The following AP3B1 variants were observed in gnomAD, a reference collection of about 807,000 sequenced individuals.
The protein encoded by AP3B1 is adaptor related protein complex 3 subunit beta 1, also known as AP-3 complex subunit beta-1.
A neutral mutation model predicts 132.5 loss-of-function variants in AP3B1; 61 were observed. The observed-to-expected ratio is 0.46, with a 90% CI of 0.37 to 0.57. The LOEUF (loss-of-function observed/expected upper bound fraction) is 0.57. Among genes scored for constraint, AP3B1 ranks in the 20% least tolerant of loss-of-function variants. AP3B1 has a pLI of 0.00. For missense variants in AP3B1, 1,120 were observed against 1,289.4 expected (o/e 0.87, Z 2.01); for synonymous variants, 388 against 438.3 (o/e 0.89, Z 1.43).
intron 22 of AP3B1, among the ~76,000 whole-genome samples, chr5:78,077,620 T>G (rs1448462568): frequency 6.6e-6 from 1 of 152,186 alleles, no homozygotes; most frequent in Admixed American, 6.5e-5. Context: ...GAAATACTGT[T>G]TCAGCAATAC....
intron 21 of AP3B1, among the ~76,000 whole-genome samples, chr5:78,094,918 T>C (rs1750708608): frequency 6.6e-6 from 1 of 152,120 alleles, no homozygotes; most frequent in South Asian, 2.1e-4. Context: ...TGGCCTCAGG[T>C]GATCTGCCCG....
intron 12 of AP3B1, among the ~76,000 whole-genome samples, chr5:78,164,602 G>A (rs1297587684): frequency 2.0e-5 from 3 of 152,216 alleles, no homozygotes; most frequent in Non-Finnish European, 2.9e-5. Context: ...GCAATGATCT[G>A]CAGCTATAAG....
At position 78,123,753 on chromosome 5, in the gene AP3B1, C is replaced by G. The variant is rs563767187; in HGVS notation, c.1968+4277G>C. Among the ~76,000 whole-genome samples the G allele has an allele frequency of 3.1e-3, 464 of 151,650 alleles. 2 individuals carry two copies. The highest frequency in any genetic ancestry group is 0.011 in the African/African-American group (443 of 41,394). On this transcript the variant is annotated intron_variant, in intron 17 of 26. Transcript: ENST00000255194. Reference sequence around the variant, plus strand: ...GAACACTTTTACACTGTTGGTGGGACTGTAAACTAGTTCAACCATTGTGGA... The same window carrying G: ...GAACACTTTTACACTGTTGGTGGGAGTGTAAACTAGTTCAACCATTGTGGA...
chr5:78,070,136 G>A (rs186803723), intron 22 of AP3B1, among the ~76,000 whole-genome samples: 52 of 152,186 alleles, frequency 3.4e-4, no homozygotes, highest in African/African-American at 1.2e-3. Context: ...ATTGGGCACC[G>A]TGGCTCACAC....
intron 17 of AP3B1, among the ~76,000 whole-genome samples, chr5:78,122,382 A>C (rs545795699): frequency 2.0e-5 from 3 of 152,344 alleles, no homozygotes; most frequent in African/African-American, 7.2e-5. Context: ...AAGGGCATTC[A>C]ATTAGGAAAA....
At chr5:78,223,275 T>C (rs1746265887) in intron 6 of AP3B1, among the ~76,000 whole-genome samples, 1 of 152,072 alleles carries the variant, frequency 6.6e-6, no homozygotes. Flanking sequence ...CTTTGTTTTT[T>C]ACTATAGACA....
intron 22 of AP3B1, among the ~76,000 whole-genome samples, chr5:78,069,243 TG>T (rs1749428070): frequency 6.6e-6 from 1 of 152,330 alleles, no homozygotes; most frequent in East Asian, 1.9e-4. Flanking sequence ...AACATAGTAT[TG>T]GAAGTTCTGG....
chr5:78,040,265 T>C (rs901432254), intron 22 of AP3B1, among the ~76,000 whole-genome samples: 8 of 152,192 alleles, frequency 5.3e-5, no homozygotes, highest in African/African-American at 1.9e-4. Flanking sequence ...TTTCTCCAGA[T>C]ACTGAACTAA....
chr5:78,218,956 T>C (rs961657216), intron 6 of AP3B1, among the ~76,000 whole-genome samples: 6 of 152,158 alleles, frequency 3.9e-5, no homozygotes, highest in Non-Finnish European at 7.4e-5. Flanking sequence ...AGCTGGATAA[T>C]AGATCTATCA....
At chr5:78,168,759 A>G (rs1282529908) in intron 11 of AP3B1, among the ~76,000 whole-genome samples, 1 of 152,214 alleles carries the variant, frequency 6.6e-6, no homozygotes, top group Admixed American at 6.5e-5. Flanking sequence ...AATTGTCACT[A>G]TGCACGTAAG....
At chr5:78,049,223 T>C (rs566529306) in intron 22 of AP3B1, among the ~76,000 whole-genome samples, 37 of 152,304 alleles carry the variant, frequency 2.4e-4, no homozygotes, top group African/African-American at 8.7e-4. Context: ...TTCTTTGTCC[T>C]CTGACCCTAT....
At chr5:78,031,800 G>A (rs1487778307) in intron 24 of AP3B1, among the ~76,000 whole-genome samples, 1 of 152,002 alleles carries the variant, frequency 6.6e-6, no homozygotes, top group Non-Finnish European at 1.5e-5. Flanking sequence ...CATAATTTCT[G>A]GTCAGCTAAT....
chr5:78,288,228 A>G (rs1749363427), intron 1 of AP3B1, among the ~76,000 whole-genome samples: 1 of 152,234 alleles, frequency 6.6e-6, no homozygotes, highest in Non-Finnish European at 1.5e-5. Context: ...TGAATTACAC[A>G]ATTTAACACT....
intron 17 of AP3B1, among the ~76,000 whole-genome samples, chr5:78,124,037 T>C (rs557986943): frequency 1.7e-4 from 26 of 152,348 alleles, no homozygotes; most frequent in African/African-American, 5.8e-4. Context: ...GATGAGTTCA[T>C]GTCCTTTGTA....
intron 14 of AP3B1, among the ~76,000 whole-genome samples, chr5:78,144,434 GT>G (rs1412637508): frequency 6.6e-6 from 1 of 152,180 alleles, no homozygotes; most frequent in Non-Finnish European, 1.5e-5. Flanking sequence ...AAGCTATTGT[GT>G]TTCAACACCA....
intron 1 of AP3B1, among the ~76,000 whole-genome samples, chr5:78,274,239 A>C (rs190446483): frequency 1.3e-5 from 2 of 152,142 alleles, no homozygotes; most frequent in African/African-American, 4.8e-5. Context: ...AAAGTATAGT[A>C]TATGAAATTA....
Position 78,181,610 on chromosome 5 carries a change from T to C in AP3B1, c.839A>G (p.Gln280Arg). The C allele has an allele frequency of 6.2e-7, 1 of 1,612,536 alleles. No homozygotes were observed. The highest frequency in any genetic ancestry group is 8.5e-7 in the Non-Finnish European group (1 of 1,179,368). Residue 280 changes from glutamine (Q) to arginine (R), a missense_variant, in exon 8 of 27, where the codon CAG (glutamine) becomes CGG (arginine). Gln to Arg is a conservative substitution (Grantham distance 43). Around this residue, in one of 3 missense-constraint regions of AP3B1, gnomAD observed 906 missense variants for 997.1 expected, o/e 0.91. Transcript: ENST00000255194. ...GKNFYESDDDQKEKTDKKKKP... is the reference protein window; with the variant it reads ...GKNFYESDDDRKEKTDKKKKP... Reference sequence around the variant, plus strand: ...CTTCTTTTTGTCAGTCTTTTCCTTCTGATCATCATCAGATTCGTAGAAATT... The same window carrying C: ...CTTCTTTTTGTCAGTCTTTTCCTTCCGATCATCATCAGATTCGTAGAAATT...
intron 22 of AP3B1, among the ~76,000 whole-genome samples, chr5:78,076,143 T>G (rs1749758375): frequency 6.6e-6 from 1 of 152,344 alleles, no homozygotes; most frequent in Middle Eastern, 3.4e-3. Context: ...AAAGACAACT[T>G]GTATCTACGG....
chr5:78,169,028 T>C (rs954096500), intron 11 of AP3B1, among the ~76,000 whole-genome samples: 2 of 152,178 alleles, frequency 1.3e-5, no homozygotes, highest in Non-Finnish European at 2.9e-5. Context: ...GAATAGTCCA[T>C]AGTCCATCCT....
Sources: allele counts gnomAD v4.1 joint callset (sites outside exome capture counted in the v4.1 genomes callset), GRCh38; gene constraint gnomAD v4.1.1; regional missense constraint gnomAD v4.1.1; transcripts MANE v1.5; gene names NCBI Gene and HGNC (gene_info 2026-07-23, HGNC 2026-07-21).